Variants in PPP1R12A observed in about 807,000 individuals in gnomAD.
PPP1R12A encodes the protein myosin binding subunit.
A neutral mutation model predicts 139.6 loss-of-function variants in PPP1R12A; 19 were observed. That is an observed-to-expected ratio of 0.14 (90% CI 0.09 to 0.20). PPP1R12A has a LOEUF of 0.20. PPP1R12A is among the 10% of genes least tolerant of loss of function. The pLI, the probability that PPP1R12A is intolerant of heterozygous loss-of-function variation, is 1.00. For synonymous variants in PPP1R12A, 427 were observed against 420.6 expected, an observed-to-expected ratio of 1.02 and a Z score of -0.19; for missense variants, 925 against 1,211.5, an observed-to-expected ratio of 0.76 and a Z score of 3.51.
At chr12:79,904,588 T>C (rs1454357330) in intron 1 of PPP1R12A, among the ~76,000 whole-genome samples, 1 of 152,188 alleles carries the variant, frequency 6.6e-6, no homozygotes, top group African/African-American at 2.4e-5. Flanking sequence ...GACTCTTATA[T>C]AAACAGCATA....
At chr12:79,905,074 T>A (rs981207245) in intron 1 of PPP1R12A, among the ~76,000 whole-genome samples, 31 of 152,216 alleles carry the variant, frequency 2.0e-4, no homozygotes, top group African/African-American at 7.2e-4. Context: ...CCAGCTGCTA[T>A]GTTATTAAAA....
chr12:79,870,554 A>G (rs1402375568), intron 2 of PPP1R12A, among the ~76,000 whole-genome samples: 2 of 152,252 alleles, frequency 1.3e-5, no homozygotes, highest in African/African-American at 4.8e-5. Flanking sequence ...CAGAAAGAAT[A>G]AAAAGGAAAA....
chr12:79,812,270 T>TA (rs1433355980), intron 9 of PPP1R12A, among the ~76,000 whole-genome samples: 2 of 152,116 alleles, frequency 1.3e-5, no homozygotes, highest in African/African-American at 4.8e-5. Context: ...CTTCCTGAAA[T>TA]ACTTAACTAT....
Position 79,832,344 on chromosome 12 carries a change from G to C in PPP1R12A, c.635C>G (p.Thr212Arg), listed in dbSNP as rs373090411. The C allele has an allele frequency of 6.2e-7, 1 of 1,607,958 alleles. No individual in the cohort carries two copies. ...ALHVAAAKGY[T>R]EVLKLLIQAG... ...AAACAATACTTACTTTAAAACTTCC[G>C]TATAGCCTTTAGCAGCTGCAACGTG... The change falls in exon 4 of 25, where the codon ACG becomes AGG. Residue 212 changes from threonine to arginine, a missense_variant. This residue lies in a region of PPP1R12A where 199 missense variants were observed against 352.4 expected (regional missense o/e 0.56). Transcript: ENST00000450142.
intron 2 of PPP1R12A, among the ~76,000 whole-genome samples, chr12:79,860,026 AAT>A (rs1881142589): frequency 6.6e-6 from 1 of 152,232 alleles, no homozygotes; most frequent in Admixed American, 6.5e-5. Context: ...TGCACCAATT[AAT>A]AGTCTACTCC....
At chr12:79,933,478 C>G (rs145238335) in intron 1 of PPP1R12A, among the ~76,000 whole-genome samples, 59 of 152,210 alleles carry the variant, frequency 3.9e-4, no homozygotes, top group African/African-American at 1.4e-3. Context: ...CAACATTATT[C>G]AAAATAAGGC....
At chr12:79,788,539 A>C (rs1871393365) in intron 21 of PPP1R12A, 109 bp downstream of exon 21, 7 of 1,095,706 alleles carry the variant, frequency 6.4e-6, no homozygotes, top group Non-Finnish European at 8.8e-6. Flanking sequence ...ACTGAAAATA[A>C]GTTATTTCAA....
chr12:79,774,781 G>C lies in PPP1R12A; in HGVS notation c.*1148C>G, dbSNP rs1170309853. The C allele has an allele frequency of 6.6e-6, 1 of 152,474 alleles. No homozygotes were observed. The highest frequency in any genetic ancestry group is 1.5e-5 in the Non-Finnish European group (1 of 67,966). 9.4% of individuals were successfully genotyped at this position (152,474 alleles called of 1,614,324 possible). A position where few individuals can be genotyped will look rare whatever the true frequency, so the allele number is the denominator to read the frequency against. ...CAAATGATTTCATAGCATTACTTTGGCTAGCACAACAGTTTTAGACAGCAC... is the reference window on the plus strand; with the variant it reads ...CAAATGATTTCATAGCATTACTTTGCCTAGCACAACAGTTTTAGACAGCAC... On this transcript the variant is annotated 3_prime_UTR_variant, in exon 25 of 25. Coordinates refer to ENST00000450142, the MANE Select transcript of PPP1R12A (RefSeq NM_002480.3).
chr12:79,817,476 G>C lies in PPP1R12A; in HGVS notation c.1157C>G (p.Ser386Cys). Residue 386 changes from serine to cysteine, a missense_variant, in exon 9 of 25, where the codon TCT becomes TGT. Ser to Cys is a moderately radical substitution (Grantham distance 112). Transcript: ENST00000450142. Reference protein sequence around the residue: ...PLASVTNANTSSTQAAPVAVT... With the variant: ...PLASVTNANTCSTQAAPVAVT... ...AGCTACAGGAGCTGCTTGTGTACTAGAAGTGTTGGCATTAGTTACAGAAGC... is the reference window on the plus strand; with the variant it reads ...AGCTACAGGAGCTGCTTGTGTACTACAAGTGTTGGCATTAGTTACAGAAGC... 2 of 1,605,862 alleles carry C rather than the reference G, an allele frequency of 1.2e-6. No homozygotes were observed. The highest frequency in any genetic ancestry group is 1.7e-6 in the Non-Finnish European group (2 of 1,175,268).
At chr12:79,878,015 T>C (rs1394374154) in intron 1 of PPP1R12A, among the ~76,000 whole-genome samples, 1 of 152,042 alleles carries the variant, frequency 6.6e-6, no homozygotes, top group Non-Finnish European at 1.5e-5. Flanking sequence ...TAAAAGAATA[T>C]GGGGAAATGC....
At chr12:79,875,670 T>C (rs1005454156) in intron 1 of PPP1R12A, among the ~76,000 whole-genome samples, 1 of 152,246 alleles carries the variant, frequency 6.6e-6, no homozygotes, top group African/African-American at 2.4e-5. Flanking sequence ...GGAAAATTCA[T>C]GTGCTACCCA....
intron 5 of PPP1R12A, among the ~76,000 whole-genome samples, chr12:79,823,285 GAAAA>G (rs1009593981): frequency 1.4e-5 from 2 of 146,442 alleles, no homozygotes; most frequent in African/African-American, 5.0e-5. Context: ...TCCTTTCACA[GAAAA>G]AAAAAAGTTT....
chr12:79,857,447 G>C (rs967648392), intron 2 of PPP1R12A, among the ~76,000 whole-genome samples: 1 of 151,714 alleles, frequency 6.6e-6, no homozygotes, highest in African/African-American at 2.4e-5. Flanking sequence ...TGGGGGGAAG[G>C]GGGAGGGATA....
At chr12:79,798,644 C>A (rs1478905772) in intron 14 of PPP1R12A, 60 bp from the exon 15 acceptor site, 3 of 930,370 alleles carry the variant, frequency 3.2e-6, no homozygotes, top group Non-Finnish European at 4.8e-6. Flanking sequence ...ATGTAAATAT[C>A]TATCAATGCA....
chr12:79,841,510 C>T (rs1317904494), intron 3 of PPP1R12A, among the ~76,000 whole-genome samples: 1 of 152,136 alleles, frequency 6.6e-6, no homozygotes, highest in Non-Finnish European at 1.5e-5. Flanking sequence ...TTTGCTGGCA[C>T]ATTAATCAGT....
intron 5 of PPP1R12A, chr12:79,828,073 A>G (rs1877007708): frequency 1.1e-5 from 3 of 262,936 alleles, no homozygotes; most frequent in Non-Finnish European, 7.1e-6. Context: ...ATGTATGGCA[A>G]TCTGATTACT....
At chr12:79,922,852 A>C (rs1265985447) in intron 1 of PPP1R12A, among the ~76,000 whole-genome samples, 1 of 152,160 alleles carries the variant, frequency 6.6e-6, no homozygotes, top group Admixed American at 6.5e-5. Flanking sequence ...AAAAGTAAAA[A>C]ATTTTTTAAA....
At chr12:79,878,163 A>G (rs904992945) in intron 1 of PPP1R12A, 1 of 152,016 alleles carries the variant, frequency 6.6e-6, no homozygotes. Context: ...TGTATACTTA[A>G]GAGTTGTATA....
At chr12:79,850,320 T>C (rs992219095) in intron 2 of PPP1R12A, among the ~76,000 whole-genome samples, 8 of 152,218 alleles carry the variant, frequency 5.3e-5, no homozygotes, top group East Asian at 1.9e-4. Flanking sequence ...AACAAAGCTA[T>C]TGGTTGCAAT....
Sources: gnomAD v4.1 joint callset for allele counts (sites outside exome capture counted in the v4.1 genomes callset) on GRCh38, gnomAD v4.1.1 for gene constraint, gnomAD v4.1.1 regional missense constraint, MANE v1.5 for transcripts, NCBI Gene and HGNC (gene_info 2026-07-23, HGNC 2026-07-21) for gene names.